Variants in NFATC3 observed in about 807,000 individuals in gnomAD.
NFATC3 encodes the protein nuclear factor of activated T-cells, cytoplasmic 3.
NFATC3 carries 46 observed loss-of-function variants against 98.6 expected under a neutral mutation model. That is an observed-to-expected ratio of 0.47 (90% confidence interval 0.37 to 0.60). NFATC3 has a LOEUF of 0.60. NFATC3 is among the 20% of genes least tolerant of loss of function. The pLI is 0.00. For synonymous variants in NFATC3, 512 were observed against 472.2 expected (o/e 1.08, Z -1.09); for missense variants, 1,256 against 1,295.5 (o/e 0.97, Z 0.47).
In NFATC3 at chr16:68,085,641, C is replaced by T; in HGVS notation, c.-41C>T. On this transcript the variant is annotated 5_prime_UTR_variant, in exon 1 of 10. Transcript: ENST00000346183. ...CTGCCGCCGCTTGCCGCTGCCGCCG[C>T]CGCCGCCTGAGGAGGAGCTGCAGCA... is the stretch of plus-strand genomic sequence containing the variant. 1.4e-6 allele frequency: 2 copies of T among 1,473,082 alleles called. No individual in the cohort carries two copies. Among genetic ancestry groups the T allele is most frequent in the Non-Finnish European group, 9.0e-7 (1 of 1,113,408 alleles). 91.3% of individuals were successfully genotyped at this position (1,473,082 alleles called of 1,614,324 possible).
chr16:68,166,488 C>G (rs1003669178), intron 4 of NFATC3, among the ~76,000 whole-genome samples: 2 of 152,118 alleles, frequency 1.3e-5, no homozygotes, highest in Non-Finnish European at 2.9e-5. Flanking sequence ...TCATAACTTG[C>G]ATATTGTCAC....
chr16:68,163,684 A>G (rs1201010868), intron 4 of NFATC3, among the ~76,000 whole-genome samples: 1 of 133,810 alleles, frequency 7.5e-6, no homozygotes, highest in South Asian at 2.6e-4. Flanking sequence ...CACTTCTCTG[A>G]CGGGGCGGCC....
intron 4 of NFATC3, 125 bp downstream of exon 4, chr16:68,158,193 A>G (rs2038711127): frequency 1.6e-6 from 1 of 623,856 alleles, no homozygotes; most frequent in Non-Finnish European, 2.6e-6. Flanking sequence ...AATAATGTAC[A>G]TTTAGTACAT....
chr16:68,097,288 C>T (rs909466983), intron 1 of NFATC3, among the ~76,000 whole-genome samples: 6 of 152,160 alleles, frequency 3.9e-5, no homozygotes, highest in African/African-American at 1.4e-4. Flanking sequence ...ATGAAGTGCA[C>T]AGTCTAGTAA....
At chr16:68,221,446 C>T (rs1200970953) in intron 9 of NFATC3, 2 of 1,344,646 alleles carry the variant, frequency 1.5e-6, no homozygotes, top group African/African-American at 2.9e-5. Flanking sequence ...ATTCAGTGCT[C>T]ACCTGTAGCA....
rs545652494 is a variant in NFATC3 at position 68,085,590 on chromosome 16, C to G, written c.-92C>G. On this transcript the variant is annotated 5_prime_UTR_variant, in exon 1 of 10. Coordinates refer to ENST00000346183, the MANE Select transcript of NFATC3 (RefSeq NM_173165.3). Reference sequence around the variant, plus strand: ...TCGCGACCTCTTGGCCCGCGCGGCCCGGCATGAAGCGGCGTTGAGGAGCTG... The same window carrying G: ...TCGCGACCTCTTGGCCCGCGCGGCCGGGCATGAAGCGGCGTTGAGGAGCTG... The G allele has an allele frequency of 4.4e-3, 5,030 of 1,152,912 alleles. 19 individuals carry two copies. The highest frequency in any genetic ancestry group is 5.3e-3 in the Non-Finnish European group (4,538 of 854,854). The allele number at this position is 1,152,912 out of a possible 1,614,324, so 71.4% of individuals were successfully genotyped here.
intron 3 of NFATC3, among the ~76,000 whole-genome samples, chr16:68,149,705 C>G (rs2038216336): frequency 6.6e-6 from 1 of 152,016 alleles, no homozygotes; most frequent in Non-Finnish European, 1.5e-5. Flanking sequence ...GAAATTGATC[C>G]AGAATTGGTG....
chr16:68,221,425 C>T, intron 9 of NFATC3: 1 of 1,419,448 alleles, frequency 7.0e-7, no homozygotes, highest in Non-Finnish European at 9.2e-7. Context: ...ACTCCCTAGC[C>T]TAAAATTTAT....
At chr16:68,141,370 G>A (rs1321027437) in intron 3 of NFATC3, among the ~76,000 whole-genome samples, 1 of 152,136 alleles carries the variant, frequency 6.6e-6, no homozygotes, top group Non-Finnish European at 1.5e-5. Flanking sequence ...TTAGTTTTTT[G>A]AGAAATCTCC....
chr16:68,094,312 T>C (rs2034891840), intron 1 of NFATC3, among the ~76,000 whole-genome samples: 1 of 152,114 alleles, frequency 6.6e-6, no homozygotes, highest in African/African-American at 2.4e-5. Context: ...CGTTTAGATC[T>C]GTCGTCAAAA....
chr16:68,180,002 C>T (rs2039886643), intron 6 of NFATC3, among the ~76,000 whole-genome samples: 1 of 152,178 alleles, frequency 6.6e-6, no homozygotes, highest in Non-Finnish European at 1.5e-5. Flanking sequence ...CCGCCTGCAC[C>T]CCAAGAAAGC....
At chr16:68,183,124 G>A in intron 7 of NFATC3, 116 bp from the exon 8 acceptor site, 1 of 1,004,344 alleles carries the variant, frequency 1.0e-6, no homozygotes, top group South Asian at 1.7e-5. Context: ...ACTAGCTGAT[G>A]TGCATAATTA....
intron 9 of NFATC3, chr16:68,199,960 A>T (rs2040847383): frequency 6.6e-6 from 1 of 152,188 alleles, no homozygotes; most frequent in South Asian, 2.1e-4. Context: ...TGATAATTAT[A>T]TTCGTCTGTG....
chr16:68,096,561 G>A (rs748139306), intron 1 of NFATC3, among the ~76,000 whole-genome samples: 8 of 152,072 alleles, frequency 5.3e-5, no homozygotes, highest in Non-Finnish European at 1.2e-4. Flanking sequence ...TCAGTCTATT[G>A]GAGTAGACAT....
intron 4 of NFATC3, among the ~76,000 whole-genome samples, chr16:68,163,432 T>C (rs1319877947): frequency 4.3e-5 from 6 of 140,800 alleles, no homozygotes; most frequent in Non-Finnish European, 7.7e-5. Flanking sequence ...CACTTCCCAG[T>C]AGGGGCGGCC....
chr16:68,167,039 T>G (rs1175146512), intron 5 of NFATC3, 24 bp downstream of exon 5: 2 of 1,602,162 alleles, frequency 1.2e-6, no homozygotes, highest in South Asian at 2.2e-5. Flanking sequence ...TGATGATGTT[T>G]TAAGATCTTG....
In NFATC3 at chr16:68,181,464, T is replaced by G. The variant is rs1243397124; in HGVS notation, c.1916-11T>G. 6.2e-7 allele frequency: 1 copy of G among 1,606,852 alleles called. No homozygotes were observed. Among genetic ancestry groups the G allele is most frequent in the Admixed American group, 1.7e-5 (1 of 59,784 alleles). ...GAATTGCTTTTAACTATAAACTCTT[T>G]CTTTCAATAGATGGACGACCTCAGT... is the stretch of plus-strand genomic sequence containing the variant. On this transcript the variant is annotated splice_polypyrimidine_tract_variant and intron_variant, in intron 6 of 9. Transcript: ENST00000346183.
chr16:68,107,099 G>C (rs1021741836), intron 1 of NFATC3, among the ~76,000 whole-genome samples: 1 of 152,144 alleles, frequency 6.6e-6, no homozygotes, highest in African/African-American at 2.4e-5. Context: ...TGGCTGCACA[G>C]TATTCCATGG....
At chr16:68,089,259 C>G in intron 1 of NFATC3, 1 of 985,368 alleles carries the variant, frequency 1.0e-6, no homozygotes, top group Non-Finnish European at 1.2e-6. Flanking sequence ...ATGTCCTAAG[C>G]AAGCTTGTTA....
Sources: gnomAD v4.1 joint callset for allele counts (sites outside exome capture counted in the v4.1 genomes callset) on GRCh38, gnomAD v4.1.1 for gene constraint, MANE v1.5 for transcripts, NCBI Gene and HGNC (gene_info 2026-07-23, HGNC 2026-07-21) for gene names.